SGCZ: variants seen among roughly 807,000 people sequenced by gnomAD.
The protein encoded by SGCZ is zeta-sarcoglycan.
A neutral mutation model predicts 41.3 loss-of-function variants in SGCZ; 40 were observed. The ratio of observed to expected loss-of-function variants is 0.97; its 90% CI spans 0.75 to 1.26. The LOEUF (loss-of-function observed/expected upper bound fraction) is 1.26, where lower values mean the gene tolerates loss of function less well. SGCZ is among the 50% of genes most tolerant of loss of function. The pLI, the probability that SGCZ is intolerant of heterozygous loss-of-function variation, is 0.00. For missense variants in SGCZ, 552 were observed against 369.8 expected (o/e 1.49, Z -4.04); for synonymous variants, 206 against 137.5 (o/e 1.50, Z -3.49).
chr8:14,825,714 A>G (rs1399695051), intron 1 of SGCZ, among the ~76,000 whole-genome samples: 1 of 151,970 alleles, frequency 6.6e-6, no homozygotes, highest in East Asian at 1.9e-4. Flanking sequence ...CATTCTTCCT[A>G]CCCTCCAGTG....
intron 3 of SGCZ, among the ~76,000 whole-genome samples, chr8:14,313,969 G>A (rs1427109703): frequency 2.0e-5 from 3 of 149,178 alleles, no homozygotes; most frequent in East Asian, 2.0e-4. Context: ...TGGAGAGAAA[G>A]ATGAAAAACC....
At chr8:15,189,334 A>T (rs2117105955) in intron 1 of SGCZ, among the ~76,000 whole-genome samples, 1 of 152,300 alleles carries the variant, frequency 6.6e-6, no homozygotes, top group South Asian at 2.1e-4. Flanking sequence ...ATTGTACAAA[A>T]GCAAACATAC....
At chr8:14,628,399 C>T (rs1563164103) in intron 1 of SGCZ, among the ~76,000 whole-genome samples, 1 of 151,988 alleles carries the variant, frequency 6.6e-6, no homozygotes, top group Admixed American at 6.6e-5. Flanking sequence ...ACCTAGATGT[C>T]AGGAAACTCA....
At chr8:14,623,186 T>C (rs1261620307) in intron 1 of SGCZ, among the ~76,000 whole-genome samples, 2 of 152,132 alleles carry the variant, frequency 1.3e-5, no homozygotes, top group Non-Finnish European at 2.9e-5. Flanking sequence ...AATAACGAAA[T>C]AACCAATCAA....
In SGCZ at chr8:14,554,915, T is replaced by G. The variant is rs890263653; in HGVS notation, c.51A>C (p.Glu17Asp). ...TCTGTTGGGTTGCTAGTATGTATTG[T>G]TCTCGTGTCATCTGAAAAAGAAAAA... ...LDIEELKMTR[E>D]QYILATQQNN... The change falls in exon 2 of 8, where the codon GAA (glutamate) becomes GAC (aspartate). Residue 17 changes from glutamate (E) to aspartate (D), a missense_variant. By Grantham distance (45) the Glu-to-Asp change is conservative. Transcript: ENST00000382080. 2.6e-6 allele frequency: 4 copies of G among 1,566,000 alleles called. No individual in the cohort carries two copies. The African/African-American group carries it at 5.5e-5, about 21-fold the overall frequency.
chr8:14,557,534 C>A (rs1199348783), intron 1 of SGCZ, among the ~76,000 whole-genome samples: 2 of 152,004 alleles, frequency 1.3e-5, no homozygotes, highest in Non-Finnish European at 2.9e-5. Context: ...CCAATGTTAT[C>A]TTCTAGAATT....
At chr8:14,608,332 T>C (rs576216649) in intron 1 of SGCZ, among the ~76,000 whole-genome samples, 2 of 151,982 alleles carry the variant, frequency 1.3e-5, no homozygotes, top group East Asian at 1.9e-4. Context: ...GGGTAATTTA[T>C]AAAGAAAAGA....
intron 4 of SGCZ, among the ~76,000 whole-genome samples, chr8:14,177,958 C>CTTTTCTTTTCT: frequency 1.1e-5 from 1 of 95,050 alleles, no homozygotes; most frequent in Non-Finnish European, 2.1e-5. Context: ...CTTTTTTTTT[C>CTTTTCTTTTCT]TTTTTTTTTT....
At chr8:14,608,529 C>A (rs1321790300) in intron 1 of SGCZ, among the ~76,000 whole-genome samples, 2 of 152,036 alleles carry the variant, frequency 1.3e-5, no homozygotes, top group Non-Finnish European at 2.9e-5. Flanking sequence ...AAACAACCAG[C>A]TGTCTTGTCA....
Position 14,940,036 on chromosome 8 carries a change from T to G in SGCZ, c.39+297549A>C, listed in dbSNP as rs1313263406. On this transcript the variant is annotated intron_variant, in intron 1 of 7. Transcript: ENST00000382080. ...TTCAGTTAGGTGACTGTTTACAAGT[T>G]TTGTTTATGTTTTTTACAAGGATAT... 2.6e-5 allele frequency among the ~76,000 whole-genome samples: 4 copies of G among 152,248 alleles called. No homozygotes were observed. The East Asian group carries it at 7.7e-4, about 29-fold the overall frequency.
intron 5 of SGCZ, among the ~76,000 whole-genome samples, chr8:14,129,543 A>C (rs1802971197): frequency 6.6e-6 from 1 of 151,914 alleles, no homozygotes; most frequent in Non-Finnish European, 1.5e-5. Flanking sequence ...CAACCTACCC[A>C]AAATTTTGCA....
At chr8:14,477,660 T>C (rs1202368070) in intron 2 of SGCZ, among the ~76,000 whole-genome samples, 1 of 152,202 alleles carries the variant, frequency 6.6e-6, no homozygotes, top group Non-Finnish European at 1.5e-5. Flanking sequence ...ATGAAAACGT[T>C]AGGTCTAACT....
intron 1 of SGCZ, among the ~76,000 whole-genome samples, chr8:14,741,906 A>AG (rs5889546): frequency 0.35 from 53,791 of 151,804 alleles, 11,212 homozygotes; most frequent in African/African-American, 0.58. Flanking sequence ...CTTTTTCAGA[A>AG]CTGTTCCAAC....
chr8:14,970,163 G>C (rs1268966591), intron 1 of SGCZ, among the ~76,000 whole-genome samples: 2 of 151,974 alleles, frequency 1.3e-5, no homozygotes, highest in Non-Finnish European at 2.9e-5. Flanking sequence ...CTTTCCATAA[G>C]CTTGCTTCCC....
chr8:15,023,978 C>A (rs1400395400), intron 1 of SGCZ, among the ~76,000 whole-genome samples: 1 of 152,044 alleles, frequency 6.6e-6, no homozygotes, highest in Non-Finnish European at 1.5e-5. Flanking sequence ...AATACAGGGA[C>A]CAGGATAAGT....
At chr8:14,828,133 G>A (rs995259191) in intron 1 of SGCZ, among the ~76,000 whole-genome samples, 1 of 152,120 alleles carries the variant, frequency 6.6e-6, no homozygotes, top group Non-Finnish European at 1.5e-5. Flanking sequence ...CAAATTTATG[G>A]TGAAGATTAA....
At chr8:14,215,341 A>G (rs967364344) in intron 4 of SGCZ, among the ~76,000 whole-genome samples, 7 of 152,152 alleles carry the variant, frequency 4.6e-5, no homozygotes, top group Admixed American at 1.3e-4. Context: ...CTAAGAAATA[A>G]AAATGAAAAT....
intron 1 of SGCZ, among the ~76,000 whole-genome samples, chr8:14,677,128 A>G (rs552723522): frequency 1.3e-5 from 2 of 152,216 alleles, no homozygotes; most frequent in East Asian, 3.9e-4. Flanking sequence ...AAGGTGATGC[A>G]ACATTAATAT....
intron 1 of SGCZ, among the ~76,000 whole-genome samples, chr8:15,187,418 G>T (rs192698069): frequency 1.2e-4 from 19 of 152,154 alleles, no homozygotes; most frequent in Non-Finnish European, 1.9e-4. Flanking sequence ...TTTAGAACAG[G>T]ATAGTTTTAG....
Sources: allele counts gnomAD v4.1 joint callset (sites outside exome capture counted in the v4.1 genomes callset), GRCh38; gene constraint gnomAD v4.1.1; transcripts MANE v1.5; gene names NCBI Gene and HGNC (gene_info 2026-07-23, HGNC 2026-07-21).